Variants in A4GNT observed in about 807,000 individuals in gnomAD.
A4GNT encodes the protein alpha-1,4-N-acetylglucosaminyltransferase.
In A4GNT, 6 loss-of-function variants were observed where a neutral mutation model predicts 8.3. The ratio of observed to expected loss-of-function variants is 0.72; its 90% CI spans 0.39 to 1.42. A4GNT has a LOEUF of 1.42. Among genes scored for constraint, A4GNT ranks in the 40% most tolerant of loss-of-function variants. The pLI is 0.02. For synonymous variants in A4GNT, 157 were observed against 159.8 expected, an observed-to-expected ratio of 0.98 and a Z score of 0.13; for missense variants, 377 against 417.0, an observed-to-expected ratio of 0.90 and a Z score of 0.84.
At chr3:138,127,699 G>A (rs1274752016) in intron 2 of A4GNT, among the ~76,000 whole-genome samples, 1 of 152,060 alleles carries the variant, frequency 6.6e-6, no homozygotes, top group Non-Finnish European at 1.5e-5. Flanking sequence ...CTCATTCCTG[G>A]GCATCATCAA....
intron 2 of A4GNT, 67 bp from the exon 3 acceptor site, chr3:138,124,945 G>A: frequency 6.4e-7 from 1 of 1,552,540 alleles, no homozygotes; most frequent in South Asian, 1.2e-5. Context: ...ACAGCAGGAG[G>A]CCAGGCCCAG....
Position 138,131,051 on chromosome 3 carries a change from C to G in A4GNT, c.206G>C (p.Cys69Ser). Residue 69 changes from cysteine to serine, a missense_variant, in exon 2 of 3, where the codon TGT becomes TCT. Coordinates refer to ENST00000236709, the MANE Select transcript of A4GNT (RefSeq NM_016161.3). Reference sequence around the variant, plus strand: ...AATCTTGGCAGCAGACTCTACGGAACAGGAGACCAAATGGGGTGGCTCCAT... The same window carrying G: ...AATCTTGGCAGCAGACTCTACGGAAGAGGAGACCAAATGGGGTGGCTCCAT... Reference protein sequence around the residue: ...ERMEPPHLVSCSVESAAKIYP... With the variant: ...ERMEPPHLVSSSVESAAKIYP... 1 of 1,614,056 alleles carries G rather than the reference C, an allele frequency of 6.2e-7. No homozygotes were observed. The highest frequency in any genetic ancestry group is 8.5e-7 in the Non-Finnish European group (1 of 1,179,936).
chr3:138,130,970 A>C lies in A4GNT; in HGVS notation c.287T>G (p.Met96Arg). ...AGCTGGGTATGTGGAGTTTGAGGGC[A>C]TCGGTGTGGAATCAGTAAGACCCTT... ...FMKGLTDSTP[M>R]PSNSTYPAFS... Residue 96 changes from methionine to arginine, a missense_variant, in exon 2 of 3, where the codon ATG (methionine) becomes AGG (arginine). Coordinates refer to ENST00000236709, the MANE Select transcript of A4GNT (RefSeq NM_016161.3). 6.2e-7 allele frequency: 1 copy of C among 1,614,150 alleles called. No individual in the cohort carries two copies. The highest frequency in any genetic ancestry group is 8.5e-7 in the Non-Finnish European group (1 of 1,180,024).
rs940482779 is a variant in A4GNT at position 138,127,549 on chromosome 3, G to A, written c.409-2671C>T. 4.0e-5 allele frequency among the ~76,000 whole-genome samples: 6 copies of A among 151,314 alleles called. No individual in the cohort carries two copies. The East Asian group carries it at 5.8e-4, about 15-fold the overall frequency. On this transcript the variant is annotated intron_variant, in intron 2 of 2. Transcript: ENST00000236709. ...AGATCACGCCACTGCACTCCAGCCTGTGCGACAGAGCAAGACTCCGTCTCA... is the reference window on the plus strand; with the variant it reads ...AGATCACGCCACTGCACTCCAGCCTATGCGACAGAGCAAGACTCCGTCTCA...
At position 138,124,652 on chromosome 3, in the gene A4GNT, A is replaced by G. The variant is rs774666633; in HGVS notation, c.635T>C (p.Val212Ala). The part of the protein sequence containing the change: ...PFLWECMENF[V>A]EHYNSAIWGN... ...CCAAATGGCTGAATTATAGTGTTCA[A>G]CAAAGTTTTCCATGCATTCCCACAA... Residue 212 changes from valine (V) to alanine (A), a missense_variant, in exon 3 of 3, where the codon GTT (valine) becomes GCT (alanine). Transcript: ENST00000236709. 2 of 1,614,228 alleles carry G rather than the reference A, an allele frequency of 1.2e-6. No homozygotes were observed. Among genetic ancestry groups the G allele is most frequent in the East Asian group, 2.2e-5 (1 of 44,888 alleles).
At chr3:138,127,101 A>T (rs2042749918) in intron 2 of A4GNT, among the ~76,000 whole-genome samples, 1 of 140,384 alleles carries the variant, frequency 7.1e-6, no homozygotes, top group Non-Finnish European at 1.5e-5. Context: ...CACTGGCGAG[A>T]GAGCAAGACT....
Position 138,130,833 on chromosome 3 carries a change from T to C in A4GNT, c.408+16A>G. The C allele has an allele frequency of 3.1e-6, 5 of 1,609,180 alleles. No homozygotes were observed. The highest frequency in any genetic ancestry group is 4.2e-6 in the Non-Finnish European group (5 of 1,177,496). The stretch of plus-strand genomic sequence containing the variant: ...TATACAATTCGTTGACATTTTAAGT[T>C]TCCCTAAACACTTACTTGATTGTAC... On this transcript the variant is annotated intron_variant, in intron 2 of 2. Transcript: ENST00000236709.
intron 2 of A4GNT, among the ~76,000 whole-genome samples, chr3:138,130,533 T>G (rs1324384800): frequency 6.6e-6 from 1 of 151,660 alleles, no homozygotes; most frequent in Non-Finnish European, 1.5e-5. Flanking sequence ...TTAACATAAG[T>G]GGATTTAAAA....
chr3:138,125,314 C>T (rs1472384175), intron 2 of A4GNT, among the ~76,000 whole-genome samples: 1 of 152,098 alleles, frequency 6.6e-6, no homozygotes, highest in Non-Finnish European at 1.5e-5. Flanking sequence ...ATCAGTATGT[C>T]TGCTATTTGA....
chr3:138,127,572 T>TCA (rs2042753601), intron 2 of A4GNT, among the ~76,000 whole-genome samples: 1 of 142,322 alleles, frequency 7.0e-6, no homozygotes, highest in Non-Finnish European at 1.5e-5. Context: ...AGACTCCGTC[T>TCA]CAAAAAAAAA....
Position 138,124,555 on chromosome 3 carries a change from C to A in A4GNT, c.732G>T (p.Val244=). 6.2e-7 allele frequency: 1 copy of A among 1,614,208 alleles called. No individual in the cohort carries two copies. Among genetic ancestry groups the A allele is most frequent in the Middle Eastern group, 1.6e-4 (1 of 6,062 alleles). ...ATATGTTCAGACACCTGAGGTCGCT[C>A]ACCTCCTGGAAGTCTTCAAGTTTAC... is the stretch of plus-strand genomic sequence containing the variant. ...VWCKLEDFQE[V]SDLRCLNISF... Residue 244 remains valine, a synonymous_variant, in exon 3 of 3, where the codon GTG becomes GTT. Transcript: ENST00000236709.
At chr3:138,129,745 A>T (rs1361341658) in intron 2 of A4GNT, among the ~76,000 whole-genome samples, 1 of 152,216 alleles carries the variant, frequency 6.6e-6, no homozygotes, top group Non-Finnish European at 1.5e-5. Flanking sequence ...GCTACAGCCT[A>T]TGATTAGAAT....
intron 2 of A4GNT, among the ~76,000 whole-genome samples, chr3:138,126,369 A>T: frequency 6.6e-6 from 1 of 151,674 alleles, no homozygotes. Flanking sequence ...AATAGAAAGC[A>T]AAATGTTTTG....
chr3:138,124,414 G>A lies in A4GNT; in HGVS notation c.873C>T (p.Asn291=). 6.2e-7 allele frequency: 1 copy of A among 1,614,168 alleles called. No individual in the cohort carries two copies. The highest frequency in any genetic ancestry group is 8.5e-7 in the Non-Finnish European group (1 of 1,180,040). ...CAGCCCGCCCCTCCTGGTTCATGTG[G>A]TTCCACAAATGCAGGGCATAAGAGA... ...FNVSYALHLW[N]HMNQEGRAVI... is the part of the protein sequence containing the mutation. Residue 291 remains asparagine, a synonymous_variant, in exon 3 of 3, where the codon AAC becomes AAT. Coordinates refer to ENST00000236709, the MANE Select transcript of A4GNT (RefSeq NM_016161.3).
upstream of A4GNT, among the ~76,000 whole-genome samples, chr3:138,132,542 T>G (rs2042784284): frequency 6.6e-6 from 1 of 152,172 alleles, no homozygotes; most frequent in South Asian, 2.1e-4. Context: ...CACAGCCACT[T>G]GGGAACAAGA....
At chr3:138,131,366 T>C in intron 1 of A4GNT, 84 bp from the exon 2 acceptor site, 2 of 1,099,500 alleles carry the variant, frequency 1.8e-6, no homozygotes, top group Non-Finnish European at 2.4e-6. Context: ...ATGAATATCA[T>C]TTAAAAACTT....
At chr3:138,133,058 C>G (rs1187914459), upstream of A4GNT, among the ~76,000 whole-genome samples, 2 of 152,212 alleles carry the variant, frequency 1.3e-5, no homozygotes, top group Non-Finnish European at 2.9e-5. Flanking sequence ...TCTTAGCAAT[C>G]TTCTTTGGAG....
At chr3:138,131,567 AAAAAAG>A (rs1208705316) in intron 1 of A4GNT, among the ~76,000 whole-genome samples, 1 of 152,182 alleles carries the variant, frequency 6.6e-6, no homozygotes, top group Non-Finnish European at 1.5e-5. Context: ...AAAATTTAAA[AAAAAAG>A]AAAAAGAAAA....
Position 138,127,452 on chromosome 3 carries a change from T to C in A4GNT, c.409-2574A>G, listed in dbSNP as rs531982253. Among the ~76,000 whole-genome samples, 22 of 151,748 alleles carry C rather than the reference T, an allele frequency of 1.4e-4. No homozygotes were observed. In the South Asian group the frequency reaches 4.4e-3, roughly 30 times the overall value. ...AGCTGGGCATGGTGGTGCGTGCTTGTAGTCCCAGCTACTTGGGAGGCTGAG... is the reference window on the plus strand; with the variant it reads ...AGCTGGGCATGGTGGTGCGTGCTTGCAGTCCCAGCTACTTGGGAGGCTGAG... On this transcript the variant is annotated intron_variant, in intron 2 of 2. Coordinates refer to ENST00000236709, the MANE Select transcript of A4GNT (RefSeq NM_016161.3).
Sources: gnomAD v4.1 joint callset for allele counts (sites outside exome capture counted in the v4.1 genomes callset) on GRCh38, gnomAD v4.1.1 for gene constraint, MANE v1.5 for transcripts, NCBI Gene and HGNC (gene_info 2026-07-23, HGNC 2026-07-21) for gene names.